OSBPL10: variants seen among roughly 807,000 people sequenced by gnomAD.
OSBPL10 encodes oxysterol-binding protein-related protein 10.
Under a neutral mutation model 81.7 loss-of-function variants are expected in OSBPL10, and 49 were observed. The observed-to-expected ratio is 0.60, with a 90% confidence interval of 0.48 to 0.76. The LOEUF (loss-of-function observed/expected upper bound fraction) is 0.76. OSBPL10 is among the 30% of genes least tolerant of loss of function. The pLI, the probability that OSBPL10 is intolerant of heterozygous loss-of-function variation, is 0.00. For missense variants in OSBPL10, 923 were observed against 987.8 expected (o/e 0.93, Z 0.88); for synonymous variants, 419 against 383.6 (o/e 1.09, Z -1.08).
At chr3:31,694,323 A>C (rs1695646730) in intron 7 of OSBPL10, among the ~76,000 whole-genome samples, 1 of 133,230 alleles carries the variant, frequency 7.5e-6, no homozygotes, top group Admixed American at 9.1e-5. Flanking sequence ...GTTAGCCGAG[A>C]TCATGCTACT....
intron 1 of OSBPL10, among the ~76,000 whole-genome samples, chr3:31,934,411 T>TTC (rs1697330603): frequency 3.7e-5 from 1 of 26,784 alleles, no homozygotes; most frequent in African/African-American, 4.8e-4. Flanking sequence ...AAATTCATTC[T>TTC]TTTTTTTTTT....
At chr3:31,803,429 C>T (rs1017651217) in intron 4 of OSBPL10, among the ~76,000 whole-genome samples, 2 of 152,208 alleles carry the variant, frequency 1.3e-5, no homozygotes, top group African/African-American at 4.8e-5. Context: ...ACGTTTATAA[C>T]CATCTTCCTT....
intron 4 of OSBPL10, among the ~76,000 whole-genome samples, chr3:31,759,284 C>A (rs973650389): frequency 6.6e-6 from 1 of 152,168 alleles, no homozygotes; most frequent in Non-Finnish European, 1.5e-5. Flanking sequence ...GCCTCCCACA[C>A]ACACAGACAC....
intron 6 of OSBPL10, among the ~76,000 whole-genome samples, chr3:31,732,238 C>T (rs1442101869): frequency 6.6e-6 from 1 of 152,192 alleles, no homozygotes; most frequent in Non-Finnish European, 1.5e-5. Flanking sequence ...ACCCTTCTAA[C>T]ACCCCTTAAA....
intron 1 of OSBPL10, among the ~76,000 whole-genome samples, chr3:31,969,782 G>A (rs1327711686): frequency 1.3e-5 from 2 of 151,986 alleles, no homozygotes; most frequent in South Asian, 2.1e-4. Flanking sequence ...TTGAACCTGG[G>A]AGGCGGAGGT....
At chr3:32,017,518 A>G (rs1263018202) in intron 2 of OSBPL10, among the ~76,000 whole-genome samples, 2 of 152,202 alleles carry the variant, frequency 1.3e-5, no homozygotes, top group Non-Finnish European at 1.5e-5. Flanking sequence ...CAAAAAAAAA[A>G]AAATTCATTT....
intron 4 of OSBPL10, among the ~76,000 whole-genome samples, chr3:31,763,887 G>A (rs1448663549): frequency 6.6e-6 from 1 of 152,176 alleles, no homozygotes; most frequent in Non-Finnish European, 1.5e-5. Flanking sequence ...TCAGGAATCT[G>A]CTTCATTAAT....
At chr3:31,982,392 A>G (rs1405521239), upstream of OSBPL10, among the ~76,000 whole-genome samples, 1 of 152,210 alleles carries the variant, frequency 6.6e-6, no homozygotes, top group Non-Finnish European at 1.5e-5. Context: ...AAGGTGATAG[A>G]TGATAGGTGA....
At chr3:31,935,371 A>G (rs1294358528) in intron 1 of OSBPL10, among the ~76,000 whole-genome samples, 3 of 152,016 alleles carry the variant, frequency 2.0e-5, no homozygotes, top group African/African-American at 4.8e-5. Context: ...TTTTTTTTAT[A>G]CAGTATTTCT....
chr3:31,798,428 C>T (rs1463819934), intron 4 of OSBPL10, among the ~76,000 whole-genome samples: 1 of 73,218 alleles, frequency 1.4e-5, no homozygotes, highest in Non-Finnish European at 3.1e-5. Context: ...AAAACTCCAT[C>T]TCAAAAAAAA....
intron 7 of OSBPL10, 148 bp downstream of exon 7, chr3:31,702,211 A>G: frequency 1.1e-6 from 1 of 920,576 alleles, no homozygotes; most frequent in South Asian, 1.9e-5. Flanking sequence ...TATACCTGGA[A>G]TATCCATACT....
At chr3:31,744,487 G>A (rs974809258) in intron 5 of OSBPL10, among the ~76,000 whole-genome samples, 8 of 140,978 alleles carry the variant, frequency 5.7e-5, no homozygotes, top group South Asian at 2.3e-4. Context: ...GCAGTGAGCC[G>A]AGATCGCGTC....
rs569406704 is a variant in OSBPL10, at chr3:31,971,585, G to C, written c.281+9314C>G. On this transcript the variant is annotated intron_variant, in intron 1 of 11. Transcript: ENST00000396556. The stretch of plus-strand genomic sequence containing the variant: ...CTGCGACATAAAGGTCAAATAGCTT[G>C]TCCAAGGCAAAGAGTAGAGCTGGGA... 3.9e-5 allele frequency among the ~76,000 whole-genome samples: 6 copies of C among 152,316 alleles called. No homozygotes were observed. In the South Asian group the frequency reaches 1.2e-3, roughly 32 times the overall value.
At chr3:31,836,926 G>T (rs1252391156) in intron 3 of OSBPL10, among the ~76,000 whole-genome samples, 1 of 152,124 alleles carries the variant, frequency 6.6e-6, no homozygotes, top group Non-Finnish European at 1.5e-5. Flanking sequence ...TGCAATTTTA[G>T]AGCTAGATGG....
chr3:31,832,946 C>T (rs1228894627), intron 3 of OSBPL10, among the ~76,000 whole-genome samples: 1 of 152,090 alleles, frequency 6.6e-6, no homozygotes, highest in African/African-American at 2.4e-5. Flanking sequence ...GGGGCGAGAG[C>T]CAGGGTAGAA....
Position 32,052,318 on chromosome 3 carries a change from T to C in OSBPL10, n.186-5715A>G, listed in dbSNP as rs151189422. On this transcript the variant is annotated intron_variant and non_coding_transcript_variant, in intron 1 of 3. Coordinates refer to the OSBPL10 transcript ENST00000479173. ...GTTTAAATTAGGTCAGAGATTAGATTTGCTAAATGCTTTAATGTCATAAAC... is the reference window on the plus strand; with the variant it reads ...GTTTAAATTAGGTCAGAGATTAGATCTGCTAAATGCTTTAATGTCATAAAC... 8.7e-4 allele frequency among the ~76,000 whole-genome samples: 132 copies of C among 152,302 alleles called. 2 individuals are homozygous for C. The East Asian group carries it at 0.023, about 26-fold the overall frequency.
intron 1 of OSBPL10, among the ~76,000 whole-genome samples, chr3:32,051,292 C>T (rs1175638664): frequency 6.6e-6 from 1 of 152,208 alleles, no homozygotes; most frequent in Non-Finnish European, 1.5e-5. Context: ...ATAGATCCCT[C>T]TCAAAATCTA....
At chr3:31,970,233 C>T (rs1367758878) in intron 1 of OSBPL10, among the ~76,000 whole-genome samples, 4 of 152,106 alleles carry the variant, frequency 2.6e-5, no homozygotes, top group Non-Finnish European at 1.5e-5. Flanking sequence ...CATATTCCTC[C>T]CCCTCCCCAC....
In OSBPL10 at chr3:32,057,055, C is replaced by G. The variant is rs145103749; in HGVS notation, n.186-10452G>C. Among the ~76,000 whole-genome samples the G allele has an allele frequency of 2.2e-3, 330 of 152,316 alleles. 3 individuals carry two copies. Among genetic ancestry groups the G allele is most frequent in the African/African-American group, 7.6e-3 (315 of 41,576 alleles). On this transcript the variant is annotated intron_variant and non_coding_transcript_variant, in intron 1 of 3. Coordinates refer to the OSBPL10 transcript ENST00000479173. ...ACTCTCACCAGTGCCATGGCAACAT[C>G]AGGAAGTTACTCTATATGGTCTAAA...
Sources: allele counts gnomAD v4.1 joint callset (sites outside exome capture counted in the v4.1 genomes callset), GRCh38; gene constraint gnomAD v4.1.1; transcripts MANE v1.5; gene names NCBI Gene and HGNC (gene_info 2026-07-23, HGNC 2026-07-21).